Variants in LPXN observed in about 807,000 individuals in gnomAD.
LPXN encodes the protein leupaxin.
A neutral mutation model predicts 45.6 loss-of-function variants in LPXN; 28 were observed. The ratio of observed to expected loss-of-function variants is 0.61; its 90% CI spans 0.45 to 0.84. The LOEUF is 0.84. Among genes scored for constraint, LPXN ranks in the 40% least tolerant of loss-of-function variants. LPXN has a pLI of 0.00. For missense variants in LPXN, 459 were observed against 475.0 expected (o/e 0.97, Z 0.31); for synonymous variants, 166 against 169.9 (o/e 0.98, Z 0.18).
At chr11:58,569,346 G>C (rs1277666581) in intron 2 of LPXN, among the ~76,000 whole-genome samples, 1 of 151,980 alleles carries the variant, frequency 6.6e-6, no homozygotes, top group Non-Finnish European at 1.5e-5. Flanking sequence ...TGTTTTACTT[G>C]ATAGCTTTAA....
At chr11:58,528,281 T>C (rs1230226992) in intron 7 of LPXN, 90 bp from the exon 8 acceptor site, 2 of 1,061,970 alleles carry the variant, frequency 1.9e-6, no homozygotes, top group East Asian at 2.5e-5. Flanking sequence ...AATCTCAGTG[T>C]CCTCATATTC....
intron 7 of LPXN, among the ~76,000 whole-genome samples, chr11:58,529,990 C>T (rs1375627838): frequency 2.0e-5 from 3 of 152,202 alleles, no homozygotes; most frequent in Non-Finnish European, 2.9e-5. Context: ...CCGTGAGGAA[C>T]AGTGCACTCC....
upstream of LPXN, among the ~76,000 whole-genome samples, chr11:58,577,430 T>G (rs1854929297): frequency 6.6e-6 from 1 of 152,226 alleles, no homozygotes; most frequent in South Asian, 2.1e-4. Flanking sequence ...ACTGAATGAT[T>G]AATGTGAAAT....
At chr11:58,530,002 G>A (rs1410895487) in intron 7 of LPXN, among the ~76,000 whole-genome samples, 1 of 152,198 alleles carries the variant, frequency 6.6e-6, no homozygotes, top group Admixed American at 6.5e-5. Context: ...GTGCACTCCG[G>A]CCCAGATACT....
At chr11:58,571,663 C>CTT (rs549063326) in intron 1 of LPXN, among the ~76,000 whole-genome samples, 7 of 132,996 alleles carry the variant, frequency 5.3e-5, no homozygotes, top group African/African-American at 1.4e-4. Flanking sequence ...AGTTTTTTTT[C>CTT]TTTTTTTTTT....
chr11:58,561,488 T>C (rs1450942520), intron 3 of LPXN, among the ~76,000 whole-genome samples: 2 of 152,184 alleles, frequency 1.3e-5, no homozygotes, highest in Non-Finnish European at 2.9e-5. Flanking sequence ...CAGTCAAGTA[T>C]GCAAGTAATT....
At chr11:58,578,269 G>C (rs896348442), upstream of LPXN, 3 of 515,128 alleles carry the variant, frequency 5.8e-6, no homozygotes, top group African/African-American at 2.0e-5. Flanking sequence ...CCGAAAAAAA[G>C]GTAAACTCTA....
At position 58,550,451 on chromosome 11, in the gene LPXN, A is replaced by G. The variant is rs796985723; in HGVS notation, c.487-305T>C. Among the ~76,000 whole-genome samples the G allele has an allele frequency of 1.2e-4, 19 of 152,370 alleles. 1 individual carries two copies. Among genetic ancestry groups the G allele is most frequent in the African/African-American group, 4.1e-4 (17 of 41,582 alleles). On this transcript the variant is annotated intron_variant, in intron 5 of 8. Transcript: ENST00000395074. ...ACAACATATAGCACATTGATGACAG[A>G]GAAGTTGTAACTGTAGCCTTAGTGT...
intron 2 of LPXN, among the ~76,000 whole-genome samples, chr11:58,565,302 G>C (rs1254028207): frequency 6.6e-6 from 1 of 152,114 alleles, no homozygotes. Flanking sequence ...GGGTGGCTGA[G>C]GCAGGCGGAT....
chr11:58,535,080 CT>C (rs1211982312), intron 7 of LPXN, among the ~76,000 whole-genome samples: 1 of 152,154 alleles, frequency 6.6e-6, no homozygotes, highest in Non-Finnish European at 1.5e-5. Context: ...CAGCAGAATT[CT>C]ACCAGAGGTA....
At chr11:58,556,532 TAAG>T (rs1289375029) in intron 3 of LPXN, among the ~76,000 whole-genome samples, 1 of 151,854 alleles carries the variant, frequency 6.6e-6, no homozygotes, top group Non-Finnish European at 1.5e-5. Context: ...AAAAGTAAAA[TAAG>T]AGAATTATAT....
In LPXN at chr11:58,564,047, G is replaced by A. The variant is rs1472816192; in HGVS notation, c.218+108C>T. ...CTATGGAAAGAGGAGGATGATATAC[G>A]AGTTCTAATAATAAACACTTGCAAA... On this transcript the variant is annotated intron_variant, in intron 3 of 8. Coordinates refer to ENST00000395074, the MANE Select transcript of LPXN (RefSeq NM_004811.3). The A allele has an allele frequency of 3.4e-5, 23 of 681,036 alleles. 1 individual carries two copies. Among genetic ancestry groups the A allele is most frequent in the South Asian group, 3.2e-4 (18 of 56,544 alleles). 42.2% of individuals were successfully genotyped at this position (681,036 alleles called of 1,614,324 possible). A position where few individuals can be genotyped will look rare whatever the true frequency, so the allele number is the denominator to read the frequency against.
chr11:58,529,116 A>T (rs1853311671), intron 7 of LPXN, among the ~76,000 whole-genome samples: 1 of 152,164 alleles, frequency 6.6e-6, no homozygotes, highest in Non-Finnish European at 1.5e-5. Flanking sequence ...AAACAGAAAA[A>T]CTGTCATAAA....
At chr11:58,530,469 A>G (rs888854159) in intron 7 of LPXN, among the ~76,000 whole-genome samples, 1 of 152,248 alleles carries the variant, frequency 6.6e-6, no homozygotes, top group African/African-American at 2.4e-5. Context: ...GCAGCTCAGC[A>G]AGGCTGCTGT....
At chr11:58,573,263 A>G (rs1174198989) in intron 1 of LPXN, among the ~76,000 whole-genome samples, 1 of 150,844 alleles carries the variant, frequency 6.6e-6, no homozygotes, top group Non-Finnish European at 1.5e-5. Context: ...AAAAAAAAAG[A>G]AAAGAAAAGA....
In LPXN at chr11:58,549,828, G is replaced by A; in HGVS notation, c.700C>T (p.His234Tyr). The change falls in exon 7 of 9, where the codon CAC (histidine) becomes TAC (tyrosine). Residue 234 changes from histidine to tyrosine, a missense_variant. His to Tyr is a moderately conservative substitution (Grantham distance 83). Transcript: ENST00000395074. Reference protein sequence around the residue: ...TAMNQTWHPEHFFCSHCGEVF... With the variant: ...TAMNQTWHPEYFFCSHCGEVF... Reference sequence around the variant, plus strand: ...TCTCCGCAGTGAGAGCAGAAGAAGTGCTCTGGGTGCCAGGTCTGGTTCATT... The same window carrying A: ...TCTCCGCAGTGAGAGCAGAAGAAGTACTCTGGGTGCCAGGTCTGGTTCATT... The A allele has an allele frequency of 6.2e-7, 1 of 1,614,190 alleles. No homozygotes were observed. Among genetic ancestry groups the A allele is most frequent in the Non-Finnish European group, 8.5e-7 (1 of 1,180,036 alleles).
intron 7 of LPXN, among the ~76,000 whole-genome samples, chr11:58,531,779 G>A (rs1056287412): frequency 6.6e-6 from 1 of 152,186 alleles, no homozygotes; most frequent in Non-Finnish European, 1.5e-5. Context: ...GGTTGAAATT[G>A]AGGTGACAAT....
In LPXN at chr11:58,544,893, G is replaced by A. The variant is rs181974179; in HGVS notation, c.742+4893C>T. ...CTGTGGGAGGATGCCAAGGACCAAT[G>A]ACTTGAGCCTTAAAGAGGAATTCTT... On this transcript the variant is annotated intron_variant, in intron 7 of 8. Transcript: ENST00000395074. 2.0e-5 allele frequency among the ~76,000 whole-genome samples: 3 copies of A among 152,286 alleles called. No individual in the cohort carries two copies. The East Asian group carries it at 5.8e-4, about 29-fold the overall frequency.
intron 1 of LPXN, among the ~76,000 whole-genome samples, chr11:58,572,708 C>T (rs1331765762): frequency 6.6e-6 from 1 of 151,912 alleles, no homozygotes; most frequent in Non-Finnish European, 1.5e-5. Flanking sequence ...AATGGCATTA[C>T]AGTTATATGT....
Sources: gnomAD v4.1 joint callset for allele counts (sites outside exome capture counted in the v4.1 genomes callset) on GRCh38, gnomAD v4.1.1 for gene constraint, MANE v1.5 for transcripts, NCBI Gene and HGNC (gene_info 2026-07-23, HGNC 2026-07-21) for gene names.